Variants in ASIC2 observed in about 807,000 individuals in gnomAD.
The protein encoded by ASIC2 is acid sensing ion channel subunit 2.
ASIC2 carries 25 observed loss-of-function variants against 57.3 expected under a neutral mutation model. The ratio of observed to expected loss-of-function variants is 0.44; its 90% CI spans 0.32 to 0.61. The LOEUF is 0.61. Among genes scored for constraint, ASIC2 ranks in the 20% least tolerant of loss-of-function variants. The pLI is 0.06. For synonymous variants in ASIC2, 319 were observed against 307.5 expected (o/e 1.04, Z -0.39); for missense variants, 641 against 738.1 (o/e 0.87, Z 1.52).
intron 1 of ASIC2, among the ~76,000 whole-genome samples, chr17:33,443,406 A>ATTTTTTTTTTTTTTTTTT (rs779597047): frequency 5.3e-5 from 4 of 75,262 alleles, no homozygotes; most frequent in African/African-American, 1.7e-4. Context: ...GGAGGGTAAG[A>ATTTTTTTTTTTTTTTTTT]TTTTTTTTTT....
chr17:33,600,199 A>G (rs115545042), intron 1 of ASIC2, among the ~76,000 whole-genome samples: 4 of 152,244 alleles, frequency 2.6e-5, no homozygotes, highest in African/African-American at 9.6e-5. Context: ...GTGTCCCCCA[A>G]AGTTGATGTG....
intron 1 of ASIC2, among the ~76,000 whole-genome samples, chr17:33,928,659 G>T (rs1179509695): frequency 1.3e-5 from 2 of 152,144 alleles, no homozygotes; most frequent in East Asian, 1.9e-4. Flanking sequence ...CTGCACTTCA[G>T]GGGTACATGG....
chr17:33,323,796 A>G (rs572369252), intron 1 of ASIC2, among the ~76,000 whole-genome samples: 15 of 152,354 alleles, frequency 9.8e-5, no homozygotes, highest in South Asian at 8.3e-4. Context: ...TATAAGGTAC[A>G]AAAACAGGCA....
At chr17:34,099,742 GAAAGAAAGAAAGAAA>G (rs1910771455) in intron 1 of ASIC2, among the ~76,000 whole-genome samples, 4 of 856 alleles carry the variant, frequency 4.7e-3, no homozygotes, top group Admixed American at 0.038. Context: ...AGGAAAGAAA[GAAAGAAAGAAAGAAA>G]GAAAGAAAGA....
intron 1 of ASIC2, among the ~76,000 whole-genome samples, chr17:33,385,200 C>T (rs1490038273): frequency 6.6e-6 from 1 of 152,238 alleles, no homozygotes; most frequent in African/African-American, 2.4e-5. Flanking sequence ...TAATACTCTG[C>T]TGTGAGTATA....
intron 1 of ASIC2, among the ~76,000 whole-genome samples, chr17:33,843,068 G>C (rs2141909663): frequency 6.6e-6 from 1 of 152,328 alleles, no homozygotes; most frequent in Middle Eastern, 3.4e-3. Context: ...TTATGCCCGT[G>C]CACATACGAA....
chr17:33,869,186 C>G (rs1229710140), intron 1 of ASIC2, among the ~76,000 whole-genome samples: 1 of 152,130 alleles, frequency 6.6e-6, no homozygotes, highest in African/African-American at 2.4e-5. Flanking sequence ...CAGTAAAATG[C>G]ACATTGAAAC....
chr17:33,405,755 T>A (rs2141961482), intron 1 of ASIC2, among the ~76,000 whole-genome samples: 1 of 152,234 alleles, frequency 6.6e-6, no homozygotes, highest in Admixed American at 6.5e-5. Flanking sequence ...GTGCTGGGAT[T>A]ACAGGCTTGA....
chr17:33,719,026 T>C (rs1319439191), intron 1 of ASIC2, among the ~76,000 whole-genome samples: 1 of 152,152 alleles, frequency 6.6e-6, no homozygotes, highest in African/African-American at 2.4e-5. Context: ...CCCTTGTTGT[T>C]CAGCAGTGCA....
chr17:34,083,040 ACTTT>A (rs1909955641), intron 1 of ASIC2, among the ~76,000 whole-genome samples: 1 of 149,748 alleles, frequency 6.7e-6, no homozygotes, highest in South Asian at 2.1e-4. Context: ...TTATCATTAT[ACTTT>A]AAGTTTTAGG....
chr17:33,460,844 T>C (rs1363158659), intron 1 of ASIC2, among the ~76,000 whole-genome samples: 2 of 152,222 alleles, frequency 1.3e-5, no homozygotes, highest in Non-Finnish European at 2.9e-5. Flanking sequence ...CAGGATTCAA[T>C]CTGACATCAG....
chr17:33,261,082 AAG>A (rs1909261852), intron 1 of ASIC2, among the ~76,000 whole-genome samples: 1 of 152,154 alleles, frequency 6.6e-6, no homozygotes, highest in Non-Finnish European at 1.5e-5. Context: ...GTCCTAACCA[AAG>A]GACTATTGAT....
At chr17:33,579,983 G>C (rs1332712117) in intron 1 of ASIC2, 1 of 152,098 alleles carries the variant, frequency 6.6e-6, no homozygotes, top group Non-Finnish European at 1.5e-5. Flanking sequence ...TGATTGGTAT[G>C]TTTACAAACC....
At chr17:33,936,556 A>T (rs1916067244) in intron 1 of ASIC2, 1 of 152,198 alleles carries the variant, frequency 6.6e-6, no homozygotes, top group Admixed American at 6.5e-5. Flanking sequence ...GCCAGAAGGG[A>T]AACTACTCCT....
At chr17:33,584,500 A>G (rs1341020046) in intron 1 of ASIC2, among the ~76,000 whole-genome samples, 2 of 152,152 alleles carry the variant, frequency 1.3e-5, no homozygotes, top group Non-Finnish European at 2.9e-5. Flanking sequence ...CTACTTCAGA[A>G]TCCCAGGGTG....
upstream of ASIC2, among the ~76,000 whole-genome samples, chr17:33,293,615 G>A (rs1027180277): frequency 1.3e-5 from 2 of 152,218 alleles, no homozygotes; most frequent in African/African-American, 4.8e-5. Context: ...GAGAGAGCGA[G>A]TTGCTGTGTA....
chr17:34,025,494 C>A (rs1161079478), intron 1 of ASIC2, among the ~76,000 whole-genome samples: 2 of 152,172 alleles, frequency 1.3e-5, no homozygotes, highest in South Asian at 2.1e-4. Context: ...GATCCTGGAC[C>A]CACTAAGTCC....
chr17:33,102,341 G>C (rs1019975512), intron 2 of ASIC2, among the ~76,000 whole-genome samples: 1 of 152,168 alleles, frequency 6.6e-6, no homozygotes, highest in Non-Finnish European at 1.5e-5. Flanking sequence ...AGAAGTCCTA[G>C]GTCGTTCTCA....
intron 1 of ASIC2, among the ~76,000 whole-genome samples, chr17:33,754,913 G>A (rs919365698): frequency 1.9e-4 from 24 of 126,618 alleles, no homozygotes; most frequent in Middle Eastern, 6.8e-3. Context: ...AGCCAAGATC[G>A]CACCACTGCA....
Sources: allele counts gnomAD v4.1 joint callset (sites outside exome capture counted in the v4.1 genomes callset), GRCh38; gene constraint gnomAD v4.1.1; transcripts MANE v1.5; gene names NCBI Gene and HGNC (gene_info 2026-07-23, HGNC 2026-07-21).